MRPS9: variants seen among roughly 807,000 people sequenced by gnomAD.
MRPS9 encodes the protein mitochondrial ribosomal protein S9, also known as small ribosomal subunit protein uS9m.
MRPS9 carries 45 observed loss-of-function variants against 59.9 expected under a neutral mutation model. The observed-to-expected ratio is 0.75, with a 90% CI of 0.59 to 0.96. The LOEUF is 0.96. Among genes scored for constraint, MRPS9 ranks in the 40% least tolerant of loss-of-function variants. The probability of loss-of-function intolerance (pLI) is 0.00; values close to 1 mark genes in which losing one functional copy is unlikely to be tolerated. For synonymous variants in MRPS9, 171 were observed against 166.8 expected (o/e 1.03, Z -0.19); for missense variants, 473 against 481.1 (o/e 0.98, Z 0.16).
chr2:105,088,984 G>T lies in MRPS9; in HGVS notation c.490G>T (p.Asp164Tyr). 1.2e-6 allele frequency: 2 copies of T among 1,603,352 alleles called. No individual in the cohort carries two copies. Among genetic ancestry groups the T allele is most frequent in the Non-Finnish European group, 1.7e-6 (2 of 1,172,324 alleles). ...GTACTGTATATTTTGTTTGCCATAG[G>T]ATGTATATGGAATGTTACTCAATTT... Reference protein sequence around the residue: ...GKQSYYSLMHDVYGMLLNLEK... With the variant: ...GKQSYYSLMHYVYGMLLNLEK... Residue 164 changes from aspartate to tyrosine, a missense_variant and splice_region_variant, in exon 6 of 11, where the codon GAT becomes TAT. Physicochemically the swap from Asp to Tyr is radical, Grantham distance 160. Transcript: ENST00000258455.
At chr2:105,045,257 T>A (rs1679571718) in intron 1 of MRPS9, among the ~76,000 whole-genome samples, 1 of 151,590 alleles carries the variant, frequency 6.6e-6, no homozygotes, top group Non-Finnish European at 1.5e-5. Flanking sequence ...CAGAGACACA[T>A]GTATTGTCAC....
chr2:105,070,358 C>T (rs7581769), intron 2 of MRPS9, among the ~76,000 whole-genome samples: 10,898 of 152,208 alleles, frequency 0.072, 572 homozygotes, highest in Non-Finnish European at 0.11. Flanking sequence ...CAATTAGGCT[C>T]CCTAATATGA....
At chr2:105,077,731 G>A (rs1055216810) in intron 4 of MRPS9, among the ~76,000 whole-genome samples, 1 of 152,084 alleles carries the variant, frequency 6.6e-6, no homozygotes, top group Non-Finnish European at 1.5e-5. Context: ...AAGAGAAACA[G>A]AAACTAAAAT....
At chr2:105,089,310 A>G (rs540295855) in intron 6 of MRPS9, among the ~76,000 whole-genome samples, 2 of 152,200 alleles carry the variant, frequency 1.3e-5, no homozygotes, top group African/African-American at 4.8e-5. Context: ...CTATACCTGG[A>G]TATGATGTCC....
At chr2:105,093,678 A>G in intron 9 of MRPS9, 40 bp downstream of exon 9, 1 of 900,690 alleles carries the variant, frequency 1.1e-6, no homozygotes, top group Non-Finnish European at 1.8e-6. Context: ...TAAAGGAAAC[A>G]TACTTTATAA....
At chr2:105,075,278 G>A (rs932339383) in intron 4 of MRPS9, among the ~76,000 whole-genome samples, 1 of 152,152 alleles carries the variant, frequency 6.6e-6, no homozygotes, top group Admixed American at 6.5e-5. Flanking sequence ...GACCCCTACT[G>A]TAGAACCAAG....
At chr2:105,068,034 A>T (rs2104452600) in intron 2 of MRPS9, among the ~76,000 whole-genome samples, 1 of 152,276 alleles carries the variant, frequency 6.6e-6, no homozygotes, top group East Asian at 1.9e-4. Context: ...ATCTCTAAAA[A>T]GAGATAGTGA....
chr2:105,082,392 A>C (rs896893679), intron 5 of MRPS9, among the ~76,000 whole-genome samples: 1 of 152,170 alleles, frequency 6.6e-6, no homozygotes, highest in African/African-American at 2.4e-5. Context: ...CAGTTATGTG[A>C]GGAGACCCTT....
intron 5 of MRPS9, among the ~76,000 whole-genome samples, chr2:105,083,743 G>A (rs1459246671): frequency 6.6e-6 from 1 of 152,130 alleles, no homozygotes; most frequent in Non-Finnish European, 1.5e-5. Context: ...TACATATTGT[G>A]TACTGGGGAA....
chr2:105,053,543 A>T (rs1031157281), intron 2 of MRPS9, among the ~76,000 whole-genome samples: 2 of 152,182 alleles, frequency 1.3e-5, no homozygotes, highest in African/African-American at 4.8e-5. Context: ...TATCTTTTAA[A>T]GTATTTACAA....
At chr2:105,058,895 G>A (rs531551435) in intron 2 of MRPS9, among the ~76,000 whole-genome samples, 49 of 152,008 alleles carry the variant, frequency 3.2e-4, no homozygotes, top group Middle Eastern at 3.4e-3. Context: ...GGTCAGGCTG[G>A]TCTCGAACCC....
rs3924667 is a variant in MRPS9 at position 105,082,883 on chromosome 2, T to A, written c.489+2821T>A. 3.7e-3 allele frequency among the ~76,000 whole-genome samples: 559 copies of A among 152,274 alleles called. 4 individuals carry two copies. The highest frequency in any genetic ancestry group is 0.012 in the African/African-American group (519 of 41,534). The stretch of plus-strand genomic sequence containing the variant: ...ACTCATTTATTTTACACTAATAAGA[T>A]GTATGTATATAATGAAAAAGTATAA... On this transcript the variant is annotated intron_variant, in intron 5 of 10. Coordinates refer to ENST00000258455, the MANE Select transcript of MRPS9 (RefSeq NM_182640.3).
At position 105,097,295 on chromosome 2, in the gene MRPS9, C is replaced by G; in HGVS notation, c.1070C>G (p.Thr357Ser). Reference sequence around the variant, plus strand: ...GCAAAAGCCTTGTGCAGCTTTGTCACCGAGGACGAGGTCGAGTGGATGAGA... The same window carrying G: ...GCAAAAGCCTTGTGCAGCTTTGTCAGCGAGGACGAGGTCGAGTGGATGAGA... ...AMAKALCSFV[T>S]EDEVEWMRQA... Residue 357 changes from threonine to serine, a missense_variant, in exon 10 of 11, where the codon ACC becomes AGC. Transcript: ENST00000258455. 1 of 1,610,136 alleles carries G rather than the reference C, an allele frequency of 6.2e-7. No individual in the cohort carries two copies. The highest frequency in any genetic ancestry group is 1.1e-5 in the South Asian group (1 of 90,416).
intron 2 of MRPS9, among the ~76,000 whole-genome samples, chr2:105,067,444 T>C (rs1680022404): frequency 6.6e-6 from 1 of 152,186 alleles, no homozygotes. Flanking sequence ...CTGCTGTTGA[T>C]GATGATGTGA....
At chr2:105,081,211 C>T (rs1476892214) in intron 5 of MRPS9, among the ~76,000 whole-genome samples, 2 of 152,196 alleles carry the variant, frequency 1.3e-5, no homozygotes, top group Non-Finnish European at 2.9e-5. Flanking sequence ...TAATGTACAA[C>T]GCTTCATGGT....
chr2:105,093,656 A>AT lies in MRPS9; in HGVS notation c.929+24dup. 7.2e-7 allele frequency: 1 copy of AT among 1,398,596 alleles called. No individual in the cohort carries two copies. The highest frequency in any genetic ancestry group is 9.9e-7 in the Non-Finnish European group (1 of 1,010,248). 86.6% of individuals were successfully genotyped at this position (1,398,596 alleles called of 1,614,324 possible). On this transcript the variant is annotated intron_variant, in intron 9 of 10. Coordinates refer to ENST00000258455, the MANE Select transcript of MRPS9 (RefSeq NM_182640.3). ...CAGGACAGGTTCGTTTTGGGTTCTG[A>AT]TTTTTTGTTTTTAAAGGAAACATAC...
intron 2 of MRPS9, among the ~76,000 whole-genome samples, chr2:105,070,053 AG>A (rs1680086106): frequency 1.3e-5 from 2 of 152,012 alleles, no homozygotes; most frequent in African/African-American, 4.8e-5. Context: ...CAGCAAAGGA[AG>A]GGGGTAGGTG....
At chr2:105,055,548 C>T (rs375057035) in intron 2 of MRPS9, among the ~76,000 whole-genome samples, 7 of 147,426 alleles carry the variant, frequency 4.7e-5, no homozygotes, top group Non-Finnish European at 4.5e-5. Context: ...TTAAATATAG[C>T]GGGCCCCTTT....
intron 2 of MRPS9, among the ~76,000 whole-genome samples, chr2:105,065,539 T>C (rs77954378): frequency 1.3e-5 from 2 of 152,344 alleles, no homozygotes; most frequent in East Asian, 3.9e-4. Context: ...AACAACTAGA[T>C]AAAATTGATA....
Sources: gnomAD v4.1 joint callset for allele counts (sites outside exome capture counted in the v4.1 genomes callset) on GRCh38, gnomAD v4.1.1 for gene constraint, MANE v1.5 for transcripts, NCBI Gene and HGNC (gene_info 2026-07-23, HGNC 2026-07-21) for gene names.